The following CDK14 variants were observed in gnomAD, a reference collection of about 807,000 sequenced individuals.
The protein encoded by CDK14 is cyclin-dependent kinase 14.
CDK14 carries 34 observed loss-of-function variants against 60.7 expected under a neutral mutation model. That is an observed-to-expected ratio of 0.56 (90% CI 0.43 to 0.75). The LOEUF is 0.75. CDK14 is among the 30% of genes least tolerant of loss of function. CDK14 has a pLI of 0.00. For synonymous variants in CDK14, 197 were observed against 203.7 expected (o/e 0.97, Z 0.28); for missense variants, 482 against 564.1 (o/e 0.85, Z 1.47).
chr7:91,197,036 T>A (rs1802563536), intron 14 of CDK14, among the ~76,000 whole-genome samples: 1 of 152,232 alleles, frequency 6.6e-6, no homozygotes, highest in Admixed American at 6.5e-5. Context: ...ATATTAATCC[T>A]GTTGTTCCTT....
intron 2 of CDK14, among the ~76,000 whole-genome samples, chr7:90,604,736 T>C (rs1030533080): frequency 8.5e-5 from 13 of 152,238 alleles, no homozygotes; most frequent in Non-Finnish European, 1.5e-4. Flanking sequence ...AGATCCGTCT[T>C]GATCTACTTG....
At chr7:91,128,264 C>A (rs959617379) in intron 14 of CDK14, among the ~76,000 whole-genome samples, 3 of 152,188 alleles carry the variant, frequency 2.0e-5, no homozygotes, top group African/African-American at 4.8e-5. Context: ...AATCTTAAAA[C>A]CTCCTAGTCC....
chr7:91,058,080 G>A lies in CDK14; in HGVS notation c.1105+12120G>A, dbSNP rs543704570. The stretch of plus-strand genomic sequence containing the variant: ...ATTTGTTTGTATCCTCTTTTATTTC[G>A]TTGAGCAGTGGTTTGTAGTTCTCCT... On this transcript the variant is annotated intron_variant, in intron 11 of 14. Coordinates refer to ENST00000380050, the MANE Select transcript of CDK14 (RefSeq NM_001287135.2). Among the ~76,000 whole-genome samples, 981 of 151,766 alleles carry A rather than the reference G, an allele frequency of 6.5e-3. 7 individuals carry two copies. Among genetic ancestry groups the A allele is most frequent in the African/African-American group, 0.021 (861 of 41,250 alleles).
At chr7:91,085,515 C>T (rs1389375825) in intron 12 of CDK14, among the ~76,000 whole-genome samples, 1 of 150,148 alleles carries the variant, frequency 6.7e-6, no homozygotes, top group Non-Finnish European at 1.5e-5. Context: ...CCAGGTTACT[C>T]TCTCTGTACA....
At chr7:90,696,274 AG>A (rs1801654746) in intron 2 of CDK14, among the ~76,000 whole-genome samples, 1 of 150,978 alleles carries the variant, frequency 6.6e-6, no homozygotes, top group Non-Finnish European at 1.5e-5. Flanking sequence ...TATCGGAAGG[AG>A]GAGCAAGGTT....
At chr7:90,956,595 A>AT (rs994178203) in intron 9 of CDK14, among the ~76,000 whole-genome samples, 5 of 152,034 alleles carry the variant, frequency 3.3e-5, no homozygotes, top group African/African-American at 1.2e-4. Flanking sequence ...GCACATGGCT[A>AT]TTTTTTTATT....
chr7:90,669,787 A>G (rs1183666155), intron 2 of CDK14, among the ~76,000 whole-genome samples: 2 of 152,170 alleles, frequency 1.3e-5, no homozygotes, highest in African/African-American at 4.8e-5. Flanking sequence ...ATAAGAAGAT[A>G]TTTTCTGCTT....
chr7:90,958,530 T>C (rs1265831806), intron 9 of CDK14, among the ~76,000 whole-genome samples: 1 of 152,142 alleles, frequency 6.6e-6, no homozygotes, highest in East Asian at 1.9e-4. Flanking sequence ...TTTGGGGGGA[T>C]GGTTGTTTAC....
At chr7:90,925,984 C>A (rs1038942760) in intron 8 of CDK14, among the ~76,000 whole-genome samples, 3 of 152,096 alleles carry the variant, frequency 2.0e-5, no homozygotes, top group Non-Finnish European at 4.4e-5. Context: ...GTAATCCAGA[C>A]CCCTCATCTG....
In CDK14 at chr7:91,055,840, GTCA is replaced by G. The variant is rs1198336210; in HGVS notation, c.1105+9883_1105+9885del. On this transcript the variant is annotated intron_variant, in intron 11 of 14. Transcript: ENST00000380050. ...CGATTTACTTGATACTGAAAGAACT[GTCA>G]TCTCTTTTAAAATAAAACATTTGGT... Among the ~76,000 whole-genome samples the G allele has an allele frequency of 3.3e-5, 5 of 152,178 alleles. No individual in the cohort carries two copies. The East Asian group carries it at 7.7e-4, about 23-fold the overall frequency.
intron 10 of CDK14, among the ~76,000 whole-genome samples, chr7:91,014,516 A>G (rs985467595): frequency 6.6e-6 from 1 of 152,174 alleles, no homozygotes; most frequent in African/African-American, 2.4e-5. Flanking sequence ...GTTACCAACT[A>G]TAAAACATAC....
chr7:91,125,536 GCA>G (rs369840885), intron 14 of CDK14, among the ~76,000 whole-genome samples: 1 of 151,034 alleles, frequency 6.6e-6, no homozygotes, highest in Non-Finnish European at 1.5e-5. Context: ...ACCAACGCAT[GCA>G]CACACACACA....
intron 5 of CDK14, among the ~76,000 whole-genome samples, chr7:90,856,078 C>A (rs1292231891): frequency 6.6e-6 from 1 of 152,166 alleles, no homozygotes; most frequent in Admixed American, 6.5e-5. Flanking sequence ...AAACAGTACA[C>A]CTTTTCGTAG....
chr7:90,730,386 G>A (rs1446562860), intron 3 of CDK14, among the ~76,000 whole-genome samples: 1 of 152,164 alleles, frequency 6.6e-6, no homozygotes, highest in Admixed American at 6.5e-5. Context: ...TGGGATTGCT[G>A]GGTCAAATGG....
At chr7:90,831,522 A>T (rs10272965) in intron 5 of CDK14, among the ~76,000 whole-genome samples, 2 of 151,862 alleles carry the variant, frequency 1.3e-5, no homozygotes, top group Non-Finnish European at 2.9e-5. Context: ...TACAATTTTT[A>T]GATTAGATTT....
chr7:90,904,871 G>T (rs1792642578), intron 7 of CDK14, among the ~76,000 whole-genome samples: 1 of 152,136 alleles, frequency 6.6e-6, no homozygotes, highest in East Asian at 1.9e-4. Flanking sequence ...ATTTTCAACA[G>T]TAACACTGAA....
At chr7:90,981,871 A>T (rs1795237456) in intron 9 of CDK14, among the ~76,000 whole-genome samples, 1 of 151,388 alleles carries the variant, frequency 6.6e-6, no homozygotes, top group Admixed American at 6.6e-5. Flanking sequence ...AGAAGTCAAG[A>T]ACCAAGTCAT....
intron 14 of CDK14, among the ~76,000 whole-genome samples, chr7:91,167,269 C>T (rs908730705): frequency 3.9e-5 from 6 of 152,168 alleles, no homozygotes; most frequent in African/African-American, 1.2e-4. Context: ...TTCCAACCAA[C>T]GTTGAAAAAT....
chr7:90,708,669 G>T (rs531254226), intron 2 of CDK14, among the ~76,000 whole-genome samples: 1 of 152,302 alleles, frequency 6.6e-6, no homozygotes, highest in East Asian at 1.9e-4. Context: ...AAAACACTTT[G>T]CCTGAGGTTT....
Sources: allele counts gnomAD v4.1 joint callset (sites outside exome capture counted in the v4.1 genomes callset), GRCh38; gene constraint gnomAD v4.1.1; transcripts MANE v1.5; gene names NCBI Gene and HGNC (gene_info 2026-07-23, HGNC 2026-07-21).